Variants in NCK1 observed in about 807,000 individuals in gnomAD.
The protein encoded by NCK1 is SH2/SH3 adapter protein NCK1.
NCK1 carries 19 observed loss-of-function variants against 36.6 expected under a neutral mutation model. The observed-to-expected ratio is 0.52, with a 90% CI of 0.36 to 0.76. The LOEUF (loss-of-function observed/expected upper bound fraction) is 0.76, where lower values mean the gene tolerates loss of function less well. NCK1 is among the 30% of genes least tolerant of loss of function. The probability of loss-of-function intolerance (pLI) is 0.00; values close to 1 mark genes in which losing one functional copy is unlikely to be tolerated. For missense variants in NCK1, 358 were observed against 445.6 expected, an observed-to-expected ratio of 0.80 and a Z score of 1.77; for synonymous variants, 165 against 156.0, an observed-to-expected ratio of 1.06 and a Z score of -0.43.
chr3:136,918,995 A>G (rs1345382449), intron 1 of NCK1, among the ~76,000 whole-genome samples: 1 of 152,238 alleles, frequency 6.6e-6, no homozygotes, highest in East Asian at 1.9e-4. Flanking sequence ...TAAATAAATG[A>G]TGGTTCGTCC....
At chr3:136,899,715 T>A in intron 1 of NCK1, 1 of 830,344 alleles carries the variant, frequency 1.2e-6, no homozygotes, top group South Asian at 1.3e-5. Context: ...ACGAGGAGAC[T>A]TACTCACTGT....
At chr3:136,864,144 C>T (rs6777816) in intron 1 of NCK1, among the ~76,000 whole-genome samples, 103,646 of 151,806 alleles carry the variant, frequency 0.68, 35,635 homozygotes, top group East Asian at 0.87. Context: ...AGGCATTATC[C>T]TTTGTCCAGG....
intron 1 of NCK1, among the ~76,000 whole-genome samples, chr3:136,870,038 TTTTTTTTTTTTTA>T (rs1381507213): frequency 2.2e-5 from 3 of 136,118 alleles, no homozygotes; most frequent in Admixed American, 7.4e-5. Context: ...GTTTTTTTTT[TTTTTTTTTTTTTA>T]AAAGAATCAT....
chr3:136,902,571 G>C (rs938546229), intron 1 of NCK1, among the ~76,000 whole-genome samples: 3 of 152,064 alleles, frequency 2.0e-5, no homozygotes, highest in African/African-American at 7.2e-5. Context: ...TTAAAAATTT[G>C]TTGACACTTG....
chr3:136,872,867 A>G (rs533588566), intron 1 of NCK1, among the ~76,000 whole-genome samples: 1 of 152,376 alleles, frequency 6.6e-6, no homozygotes, highest in Admixed American at 6.5e-5. Context: ...GCAAGTGCAC[A>G]GAAGTCAAGA....
chr3:136,896,131 A>G (rs556734993), intron 1 of NCK1, among the ~76,000 whole-genome samples: 3 of 152,292 alleles, frequency 2.0e-5, no homozygotes, highest in Admixed American at 6.5e-5. Flanking sequence ...TATCATTTCT[A>G]TGTGTTGGGA....
chr3:136,935,403 T>C (rs1350823215), intron 2 of NCK1, among the ~76,000 whole-genome samples: 2 of 152,256 alleles, frequency 1.3e-5, no homozygotes, highest in East Asian at 1.9e-4. Flanking sequence ...GTGCCTCATA[T>C]CATTATTCAC....
intron 1 of NCK1, among the ~76,000 whole-genome samples, chr3:136,905,346 T>A (rs1453917322): frequency 1.3e-5 from 2 of 152,174 alleles, no homozygotes; most frequent in African/African-American, 4.8e-5. Flanking sequence ...TTGTGATATC[T>A]AGTTCCTTTA....
At chr3:136,905,007 CTTTTTTTT>C (rs71304270) in intron 1 of NCK1, among the ~76,000 whole-genome samples, 13,288 of 128,356 alleles carry the variant, frequency 0.1, 735 homozygotes, top group Middle Eastern at 0.18. Flanking sequence ...TTGGTTTTTC[CTTTTTTTT>C]TTTTTTTTTC....
At chr3:136,869,256 T>G (rs151187750) in intron 1 of NCK1, among the ~76,000 whole-genome samples, 44 of 150,946 alleles carry the variant, frequency 2.9e-4, no homozygotes, top group African/African-American at 1.0e-3. Context: ...AAAAAAATTT[T>G]ATTTGTTCCG....
At chr3:136,892,440 C>T (rs560891742) in intron 1 of NCK1, among the ~76,000 whole-genome samples, 2 of 152,260 alleles carry the variant, frequency 1.3e-5, no homozygotes, top group African/African-American at 2.4e-5. Flanking sequence ...CTGGTAATCA[C>T]AAGAGTCCTT....
intron 1 of NCK1, among the ~76,000 whole-genome samples, chr3:136,925,818 C>G (rs1295581098): frequency 1.3e-5 from 2 of 152,148 alleles, no homozygotes; most frequent in African/African-American, 4.8e-5. Context: ...AAAATGTGAA[C>G]ATAAATTTTC....
intron 1 of NCK1, among the ~76,000 whole-genome samples, chr3:136,867,107 T>C (rs1490556121): frequency 3.8e-4 from 10 of 26,106 alleles, no homozygotes; most frequent in Middle Eastern, 0.014. Context: ...TTTCTTTCTT[T>C]CTTTCTTTCT....
In NCK1 at chr3:136,893,160, G is replaced by T. The variant is rs575592749; in HGVS notation, c.-19+30807G>T. ...GTAATATTCCATAGTGTGTGTGTGT[G>T]TGTGTGTGTGTGTGTGTGTATATAT... On this transcript the variant is annotated intron_variant, in intron 1 of 3. Transcript: ENST00000481752. Among the ~76,000 whole-genome samples the T allele has an allele frequency of 1.8e-4, 6 of 33,040 alleles. 1 individual carries two copies. In the South Asian group the frequency reaches 7.2e-3, roughly 40 times the overall value. 21.7% of individuals were successfully genotyped at this position (33,040 alleles called of 152,430 possible).
At position 136,951,345 on chromosome 3, in the gene NCK1, C is replaced by G. The variant is rs1322838370; in HGVS notation, c.*2892C>G. ...GTACCTTCTTCAGGGTACATCTAAACACAGTGGCCTTATACAGAAATGTTG... is the reference window on the plus strand; with the variant it reads ...GTACCTTCTTCAGGGTACATCTAAAGACAGTGGCCTTATACAGAAATGTTG... On this transcript the variant is annotated 3_prime_UTR_variant, in exon 4 of 4. Coordinates refer to ENST00000481752, the MANE Select transcript of NCK1 (RefSeq NM_001291999.2). 2.6e-5 allele frequency among the ~76,000 whole-genome samples: 4 copies of G among 152,194 alleles called. No homozygotes were observed. The East Asian group carries it at 7.7e-4, about 29-fold the overall frequency.
chr3:136,888,438 G>A (rs1186205667), intron 1 of NCK1, among the ~76,000 whole-genome samples: 1 of 150,578 alleles, frequency 6.6e-6, no homozygotes, highest in Non-Finnish European at 1.5e-5. Flanking sequence ...GAGTCTCGCT[G>A]TGTCACCAGG....
intron 1 of NCK1, among the ~76,000 whole-genome samples, chr3:136,892,598 T>C (rs972214747): frequency 6.6e-6 from 1 of 152,258 alleles, no homozygotes; most frequent in Non-Finnish European, 1.5e-5. Context: ...TCTGAAGGAA[T>C]GCAGGCTTTG....
In NCK1 at chr3:136,927,894, T is replaced by C. The variant is rs561435999; in HGVS notation, c.-18-90T>C. 307 of 920,190 alleles carry C rather than the reference T, an allele frequency of 3.3e-4. No homozygotes were observed. The African/African-American group carries it at 4.5e-3, about 14-fold the overall frequency. 57.0% of individuals were successfully genotyped at this position (920,190 alleles called of 1,614,324 possible). A position where few individuals can be genotyped will look rare whatever the true frequency, so the allele number is the denominator to read the frequency against. On this transcript the variant is annotated intron_variant, in intron 1 of 3. Coordinates refer to ENST00000481752, the MANE Select transcript of NCK1 (RefSeq NM_001291999.2). ...ATATTTTTTACTTTTCATCTTTATGTCTTTAGATTTTTAGGTGTGTCTCTT... is the reference window on the plus strand; with the variant it reads ...ATATTTTTTACTTTTCATCTTTATGCCTTTAGATTTTTAGGTGTGTCTCTT...
At position 136,893,178 on chromosome 3, in the gene NCK1, G is replaced by GTGTGTGTGTA. The variant is rs1249245313; in HGVS notation, c.-19+30826_-19+30827insGTGTGTGTAT. 4.6e-4 allele frequency among the ~76,000 whole-genome samples: 16 copies of GTGTGTGTGTA among 34,648 alleles called. 1 individual carries two copies. In the East Asian group the frequency reaches 5.8e-3, roughly 13 times the overall value. The allele number at this position is 34,648 out of a possible 152,430, so 22.7% of individuals were successfully genotyped here. A position where few individuals can be genotyped will look rare whatever the true frequency, so the allele number is the denominator to read the frequency against. On this transcript the variant is annotated intron_variant, in intron 1 of 3. Transcript: ENST00000481752. Reference sequence around the variant, plus strand: ...TGTGTGTGTGTGTGTGTGTGTGTGTGTATATATATATATACACACATGTGC... The same window carrying GTGTGTGTGTA: ...TGTGTGTGTGTGTGTGTGTGTGTGTGTGTGTGTGTATATATATATATATACACACATGTGC...
Sources: allele counts gnomAD v4.1 joint callset (sites outside exome capture counted in the v4.1 genomes callset), GRCh38; gene constraint gnomAD v4.1.1; transcripts MANE v1.5; gene names NCBI Gene and HGNC (gene_info 2026-07-23, HGNC 2026-07-21).